NCOA2: variants seen among roughly 807,000 people sequenced by gnomAD.
NCOA2 encodes the protein nuclear receptor coactivator 2.
In NCOA2, 21 loss-of-function variants were observed where a neutral mutation model predicts 145.1. That is an observed-to-expected ratio of 0.14 (90% CI 0.10 to 0.21). The LOEUF (loss-of-function observed/expected upper bound fraction) is 0.21, where lower values mean the gene tolerates loss of function less well. Ranked by LOEUF, NCOA2 falls within the 10% of genes least tolerant of loss-of-function variation. NCOA2 has a pLI of 1.00. For synonymous variants in NCOA2, 619 were observed against 637.5 expected (o/e 0.97, Z 0.44); for missense variants, 1,472 against 1,837.6 (o/e 0.80, Z 3.64).
At chr8:70,306,017 C>T (rs1827859609) in intron 1 of NCOA2, among the ~76,000 whole-genome samples, 1 of 152,108 alleles carries the variant, frequency 6.6e-6, no homozygotes, top group African/African-American at 2.4e-5. Flanking sequence ...AGAAATGTGG[C>T]CCTACTGTGT....
chr8:70,376,369 GCACACACA>G (rs146722946), intron 1 of NCOA2, among the ~76,000 whole-genome samples: 12 of 147,230 alleles, frequency 8.2e-5, no homozygotes, highest in Admixed American at 4.8e-4. Context: ...ACACACACAC[GCACACACA>G]CACACACACA....
intron 2 of NCOA2, among the ~76,000 whole-genome samples, chr8:70,295,443 C>T (rs1827021283): frequency 6.6e-6 from 1 of 152,186 alleles, no homozygotes. Context: ...AGCTGCCACA[C>T]TTCCTTCAGG....
chr8:70,421,843 C>T, the NCOA2 span, among the ~76,000 whole-genome samples: 1 of 151,928 alleles, frequency 6.6e-6, no homozygotes, highest in Non-Finnish European at 1.5e-5. Context: ...GCCTGTAATC[C>T]CAGCACTTTG....
the NCOA2 span, among the ~76,000 whole-genome samples, chr8:70,437,546 CA>C: frequency 6.6e-6 from 1 of 152,174 alleles, no homozygotes; most frequent in Admixed American, 6.5e-5. Flanking sequence ...TGTTCAGACA[CA>C]ATGATGACAT....
At chr8:70,122,026 A>T (rs1024748393) in intron 21 of NCOA2, among the ~76,000 whole-genome samples, 3 of 152,318 alleles carry the variant, frequency 2.0e-5, no homozygotes, top group African/African-American at 7.2e-5. Context: ...GTTTCAAAAC[A>T]ATCTGGATTG....
In NCOA2 at chr8:70,378,699, G is replaced by A. The variant is rs1409099490; in HGVS notation, c.-77+25001C>T. On this transcript the variant is annotated intron_variant, in intron 1 of 22. Transcript: ENST00000452400. ...TTGTAAAATAACAGCAAATGAGAAT[G>A]CAAGTTATTCGAGTTCCAAAGTCCC... is the stretch of plus-strand genomic sequence containing the variant. 2.1e-5 allele frequency among the ~76,000 whole-genome samples: 3 copies of A among 143,510 alleles called. No individual in the cohort carries two copies. The East Asian group carries it at 6.6e-4, about 31-fold the overall frequency. 94.1% of individuals were successfully genotyped at this position (143,510 alleles called of 152,430 possible).
At chr8:70,376,946 C>G (rs555667550) in intron 1 of NCOA2, among the ~76,000 whole-genome samples, 3 of 152,280 alleles carry the variant, frequency 2.0e-5, no homozygotes, top group Admixed American at 6.5e-5. Context: ...GAGCAGCCCC[C>G]AAGCTTTAGC....
chr8:70,156,783 T>C lies in NCOA2; in HGVS notation c.1582A>G (p.Ser528Gly). 6.2e-7 allele frequency: 1 copy of C among 1,613,990 alleles called. No homozygotes were observed. Among genetic ancestry groups the C allele is most frequent in the South Asian group, 1.1e-5 (1 of 91,082 alleles). Residue 528 changes from serine to glycine, a missense_variant, in exon 11 of 23, where the codon AGT becomes GGT. Physicochemically the swap from Ser to Gly is moderately conservative, Grantham distance 56. Transcript: ENST00000452400. Reference sequence around the variant, plus strand: ...GCATTGAGGGAGCTGTTGGTATAACTATGGCTATTTCCTGTGCTGCTGCAA... The same window carrying C: ...GCATTGAGGGAGCTGTTGGTATAACCATGGCTATTTCCTGTGCTGCTGCAA... ...GVCSSTGNSH[S>G]YTNSSLNALQ...
At chr8:70,258,089 A>C (rs976268609) in intron 2 of NCOA2, among the ~76,000 whole-genome samples, 4 of 151,818 alleles carry the variant, frequency 2.6e-5, no homozygotes, top group African/African-American at 9.7e-5. Flanking sequence ...CTAATTTTTT[A>C]TATTTTTTGT....
chr8:70,437,310 G>C, the NCOA2 span, among the ~76,000 whole-genome samples: 601 of 152,304 alleles, frequency 3.9e-3, 5 homozygotes, highest in African/African-American at 0.014. Flanking sequence ...TCACTTGATT[G>C]AAGTCTGTGT....
intron 2 of NCOA2, among the ~76,000 whole-genome samples, chr8:70,285,885 G>T (rs955604368): frequency 3.3e-5 from 5 of 152,114 alleles, no homozygotes; most frequent in Non-Finnish European, 5.9e-5. Flanking sequence ...ATCAGAAAGA[G>T]ATTTTTGGAA....
At position 70,166,624 on chromosome 8, in the gene NCOA2, A is replaced by C; in HGVS notation, c.672T>G (p.Tyr224Ter). 1 of 1,613,968 alleles carries C rather than the reference A, an allele frequency of 6.2e-7. No homozygotes were observed. The highest frequency in any genetic ancestry group is 8.5e-7 in the Non-Finnish European group (1 of 1,179,876). The change falls in exon 7 of 23, where the codon TAT becomes TAG. Residue 224 changes from tyrosine to a stop codon, truncating the protein, a stop_gained. Transcript: ENST00000452400. LOFTEE classifies it high-confidence loss of function. ...AGACAGCGAAGCACTGCATAGTTTC[A>C]TATTTCTGATGAGCTTCCTGGTTAT... ...GHDNQEAHQK[Y>*]ETMQCFAVSQ...
At chr8:70,271,098 C>T (rs2135288660) in intron 2 of NCOA2, among the ~76,000 whole-genome samples, 1 of 152,194 alleles carries the variant, frequency 6.6e-6, no homozygotes, top group South Asian at 2.1e-4. Flanking sequence ...TACATCTTGG[C>T]TCATTAAAAA....
At chr8:70,306,794 G>T (rs1827931016) in intron 1 of NCOA2, among the ~76,000 whole-genome samples, 2 of 152,294 alleles carry the variant, frequency 1.3e-5, no homozygotes, top group South Asian at 4.1e-4. Context: ...CTGGAGGATT[G>T]CTTGAGCCTG....
At position 70,111,144 on chromosome 8, in the gene NCOA2, A is replaced by G. The variant is rs1806503593; in HGVS notation, c.*2488T>C. The G allele has an allele frequency of 4.5e-6, 1 of 220,872 alleles. No individual in the cohort carries two copies. The highest frequency in any genetic ancestry group is 1.8e-4 in the South Asian group (1 of 5,438). 13.7% of individuals were successfully genotyped at this position (220,872 alleles called of 1,614,324 possible). A position where few individuals can be genotyped will look rare whatever the true frequency, so the allele number is the denominator to read the frequency against. ...GAGAATTTATCATCTCTTTTCCTTC[A>G]AAACAGCAATGATCACGAATTATTA... On this transcript the variant is annotated 3_prime_UTR_variant, in exon 23 of 23. Transcript: ENST00000452400.
chr8:70,344,666 C>T (rs1006817131), intron 1 of NCOA2, among the ~76,000 whole-genome samples: 7 of 152,046 alleles, frequency 4.6e-5, no homozygotes, highest in Admixed American at 1.3e-4. Context: ...CTTCTCTGGA[C>T]TAGGGCAGGG....
intron 5 of NCOA2, among the ~76,000 whole-genome samples, chr8:70,173,126 A>G (rs902491920): frequency 4.6e-5 from 7 of 152,240 alleles, no homozygotes; most frequent in African/African-American, 1.7e-4. Context: ...TCAATGCACT[A>G]AATTCTCAGA....
At chr8:70,270,212 A>T (rs960860299) in intron 2 of NCOA2, among the ~76,000 whole-genome samples, 3 of 152,104 alleles carry the variant, frequency 2.0e-5, no homozygotes, top group African/African-American at 7.2e-5. Flanking sequence ...AAAAGAAGAA[A>T]AAAGAAAAGA....
At chr8:70,189,834 G>T (rs1816483724) in intron 4 of NCOA2, among the ~76,000 whole-genome samples, 1 of 152,198 alleles carries the variant, frequency 6.6e-6, no homozygotes, top group African/African-American at 2.4e-5. Context: ...TTTGAAATTT[G>T]TGAATTCATA....
Sources: allele counts gnomAD v4.1 joint callset (sites outside exome capture counted in the v4.1 genomes callset), GRCh38; gene constraint gnomAD v4.1.1; transcripts MANE v1.5; gene names NCBI Gene and HGNC (gene_info 2026-07-23, HGNC 2026-07-21).